Variants in SLC12A5 observed in about 807,000 individuals in gnomAD.
SLC12A5 encodes solute carrier family 12 member 5, also known as K-Cl cotransporter 2.
A neutral mutation model predicts 124.0 loss-of-function variants in SLC12A5; 18 were observed. That is an observed-to-expected ratio of 0.15 (90% CI 0.10 to 0.22). The LOEUF (loss-of-function observed/expected upper bound fraction) is 0.22. Ranked by LOEUF, SLC12A5 falls within the 10% of genes least tolerant of loss-of-function variation. The pLI, the probability that SLC12A5 is intolerant of heterozygous loss-of-function variation, is 1.00. For missense variants in SLC12A5, 867 were observed against 1,478.7 expected, an observed-to-expected ratio of 0.59 and a Z score of 6.78; for synonymous variants, 589 against 568.0, an observed-to-expected ratio of 1.04 and a Z score of -0.53.
At position 46,054,966 on chromosome 20, in the gene SLC12A5, G is replaced by A. The variant is rs1301606621; in HGVS notation, c.2730G>A (p.Glu910=). 2 of 1,614,082 alleles carry A rather than the reference G, an allele frequency of 1.2e-6. No homozygotes were observed. The highest frequency in any genetic ancestry group is 3.3e-5 in the Admixed American group (2 of 60,014). ...CCTATGAGAAGACGTTGGTGATGGA[G>A]CAGCGTTCCCAGATCCTCAAACAGA... ...AYTYEKTLVM[E]QRSQILKQMH... is the part of the protein sequence containing the mutation. The change falls in exon 21 of 26, where the codon GAG becomes GAA. Residue 910 remains glutamate (E), a synonymous_variant. Coordinates refer to ENST00000243964, the MANE Select transcript of SLC12A5 (RefSeq NM_020708.5).
At chr20:46,054,854 C>A in intron 20 of SLC12A5, 62 bp from the exon 21 acceptor site, 1 of 1,251,232 alleles carries the variant, frequency 8.0e-7, no homozygotes, top group Non-Finnish European at 1.2e-6. Context: ...TGGGCTCAGA[C>A]CTCATGCTTT....
chr20:46,030,060 C>G (rs957122718), intron 1 of SLC12A5, among the ~76,000 whole-genome samples: 1 of 152,108 alleles, frequency 6.6e-6, no homozygotes, highest in Non-Finnish European at 1.5e-5. Context: ...AAGGTCCGAC[C>G]TCAGACTGAA....
rs767118034 is a variant in SLC12A5, at chr20:46,057,323, G to T, written c.3259+20G>T. On this transcript the variant is annotated intron_variant, in intron 25 of 25. Coordinates refer to ENST00000243964, the MANE Select transcript of SLC12A5 (RefSeq NM_020708.5). The surrounding 1 kb of genome is among the most constrained non-coding windows in gnomAD (Gnocchi z 7.1). ...AAAACTGTATCCTGGAATTAAAATT[G>T]GGGGAAAGAGGGAGGTGGACGTCAG... 25 of 1,613,524 alleles carry T rather than the reference G, an allele frequency of 1.5e-5. No homozygotes were observed. Among genetic ancestry groups the T allele is most frequent in the Non-Finnish European group, 1.9e-5 (22 of 1,179,550 alleles).
At position 46,029,348 on chromosome 20, in the gene SLC12A5, C is replaced by T. The variant is rs1236484196; in HGVS notation, c.4C>T (p.Leu2=). 2 of 1,548,452 alleles carry T rather than the reference C, an allele frequency of 1.3e-6. No individual in the cohort carries two copies. The highest frequency in any genetic ancestry group is 4.9e-5 in the East Asian group (2 of 40,642). Residue 2 remains leucine (L), a synonymous_variant, in exon 1 of 26, where the codon CTA becomes TTA. Transcript: ENST00000243964. ...GACCAGGGGCCGCGCCGCCACCATG[C>T]TAAACAACCTGACGGACTGCGAGGA... M[L]NNLTDCEDGD...
rs568552546 is a variant in SLC12A5, at chr20:46,049,962, A to G, written c.2181+172A>G. On this transcript the variant is annotated intron_variant, in intron 17 of 25. Coordinates refer to ENST00000243964, the MANE Select transcript of SLC12A5 (RefSeq NM_020708.5). The stretch of plus-strand genomic sequence containing the variant: ...GAGCCTAGACAGTGAGTTCTTTAGA[A>G]TTCAACTCACAGCATGAAAGACCAT... 1.4e-3 allele frequency among the ~76,000 whole-genome samples: 206 copies of G among 152,362 alleles called. 1 individual carries two copies. The highest frequency in any genetic ancestry group is 4.9e-3 in the African/African-American group (202 of 41,586).
chr20:46,053,439 A>G lies in SLC12A5; in HGVS notation c.2548-139A>G. On this transcript the variant is annotated intron_variant, in intron 19 of 25. Transcript: ENST00000243964. The surrounding 1 kb of genome is among the most constrained non-coding windows in gnomAD (Gnocchi z 4.7). The stretch of plus-strand genomic sequence containing the variant: ...GGAAGGTTTTGTAGAGAGTGGCCCC[A>G]AAGACAGAGGATTTGGGGTCTGCAT... 2 of 1,241,182 alleles carry G rather than the reference A, an allele frequency of 1.6e-6. No homozygotes were observed. Among genetic ancestry groups the G allele is most frequent in the Non-Finnish European group, 2.3e-6 (2 of 886,326 alleles). 76.9% of individuals were successfully genotyped at this position (1,241,182 alleles called of 1,614,324 possible). A position where few individuals can be genotyped will look rare whatever the true frequency, so the allele number is the denominator to read the frequency against.
chr20:46,044,875 C>G (rs1303639376), intron 11 of SLC12A5, 91 bp from the exon 12 acceptor site: 1 of 1,426,424 alleles, frequency 7.0e-7, no homozygotes, highest in African/African-American at 1.4e-5. Flanking sequence ...CTGTGGCAGG[C>G]ACACAGTTGG....
chr20:46,055,730 A>T (rs2084684050), intron 21 of SLC12A5: 2 of 201,612 alleles, frequency 9.9e-6, no homozygotes, highest in Non-Finnish European at 2.0e-5. Context: ...TAATGTATTT[A>T]TCAGAATGTG....
At chr20:46,036,700 C>T in intron 4 of SLC12A5, 41 bp from the exon 5 acceptor site, 1 of 1,612,262 alleles carries the variant, frequency 6.2e-7, no homozygotes, top group Non-Finnish European at 8.5e-7. Flanking sequence ...CCACTGCGGC[C>T]CCTACCCCAG....
Position 46,029,290 on chromosome 20 carries a change from A to T in SLC12A5, c.-55A>T. On this transcript the variant is annotated 5_prime_UTR_variant, in exon 1 of 26. Coordinates refer to ENST00000243964, the MANE Select transcript of SLC12A5 (RefSeq NM_020708.5). Reference sequence around the variant, plus strand: ...ACGAGAGAGCGGCGAAGGCGGGTAGAGGGGCGCGGGCGAGGCGGCGCAGCC... The same window carrying T: ...ACGAGAGAGCGGCGAAGGCGGGTAGTGGGGCGCGGGCGAGGCGGCGCAGCC... The T allele has an allele frequency of 3.3e-6, 5 of 1,519,172 alleles. No homozygotes were observed. The highest frequency in any genetic ancestry group is 4.4e-6 in the Non-Finnish European group (5 of 1,133,778). The allele number at this position is 1,519,172 out of a possible 1,614,324, so 94.1% of individuals were successfully genotyped here. A position where few individuals can be genotyped will look rare whatever the true frequency, so the allele number is the denominator to read the frequency against.
intron 21 of SLC12A5, chr20:46,055,752 C>T (rs1023355263): frequency 9.2e-6 from 2 of 216,684 alleles, no homozygotes; most frequent in African/African-American, 4.6e-5. Context: ...TTGATGGATT[C>T]TCAGGGGGAT....
At chr20:46,048,512 C>A (rs1006984278) in intron 16 of SLC12A5, among the ~76,000 whole-genome samples, 3 of 152,132 alleles carry the variant, frequency 2.0e-5, no homozygotes, top group Non-Finnish European at 4.4e-5. Flanking sequence ...GAATCGTTCC[C>A]TTTGAGAGTT....
Position 46,029,363 on chromosome 20 carries a change from G to T in SLC12A5, c.19G>T (p.Asp7Tyr), listed in dbSNP as rs1422110529. ...CGCCACCATGCTAAACAACCTGACG[G>T]ACTGCGAGGACGGCGATGGGGGAGC... MLNNLT[D>Y]CEDGDGGANP... Residue 7 changes from aspartate to tyrosine, a missense_variant, in exon 1 of 26, where the codon GAC becomes TAC. Physicochemically the swap from Asp to Tyr is radical, Grantham distance 160. Around this residue, in one of 9 missense-constraint regions of SLC12A5, gnomAD observed 58 missense variants for 52.2 expected, o/e 1.11. Transcript: ENST00000243964. The T allele has an allele frequency of 1.9e-6, 3 of 1,549,502 alleles. No individual in the cohort carries two copies. Among genetic ancestry groups the T allele is most frequent in the Non-Finnish European group, 2.6e-6 (3 of 1,146,518 alleles).
In SLC12A5 at chr20:46,052,990, C is replaced by T. The variant is rs1349602272; in HGVS notation, c.2411C>T (p.Ala804Val). 1.2e-6 allele frequency: 2 copies of T among 1,613,814 alleles called. No individual in the cohort carries two copies. Among genetic ancestry groups the T allele is most frequent in the Non-Finnish European group, 1.7e-6 (2 of 1,179,868 alleles). ...CGGGAAACCACAGCTGGCCACTTAGCCCTGCTGGTCACCAAGAACGTTTCC... is the reference window on the plus strand; with the variant it reads ...CGGGAAACCACAGCTGGCCACTTAGTCCTGCTGGTCACCAAGAACGTTTCC... ...LVRETTAGHL[A>V]LLVTKNVSMF... The change falls in exon 19 of 26, where the codon GCC (alanine) becomes GTC (valine). Residue 804 changes from alanine to valine, a missense_variant. Ala to Val is a moderately conservative substitution (Grantham distance 64). Transcript: ENST00000243964.
chr20:46,036,307 T>TA (rs1463933236), intron 4 of SLC12A5: 1 of 241,784 alleles, frequency 4.1e-6, no homozygotes, highest in South Asian at 1.1e-4. Flanking sequence ...CCATTCTCTC[T>TA]AAAAAAATCA....
chr20:46,055,119 C>A, intron 21 of SLC12A5, 96 bp downstream of exon 21: 1 of 811,478 alleles, frequency 1.2e-6, no homozygotes, highest in South Asian at 1.5e-5. Flanking sequence ...CCTGGCATTT[C>A]AACTTCACCC....
In SLC12A5 at chr20:46,046,240, C is replaced by T. The variant is rs2084594425; in HGVS notation, c.1689-98C>T. ...ACAGCATGATCTGGCCACCTCCTGACTTCCTGTCCCCTTTCCCCCTTTCTC... is the reference window on the plus strand; with the variant it reads ...ACAGCATGATCTGGCCACCTCCTGATTTCCTGTCCCCTTTCCCCCTTTCTC... On this transcript the variant is annotated intron_variant, in intron 13 of 25. Coordinates refer to ENST00000243964, the MANE Select transcript of SLC12A5 (RefSeq NM_020708.5). 6 of 1,156,872 alleles carry T rather than the reference C, an allele frequency of 5.2e-6. No homozygotes were observed. In the Admixed American group the frequency reaches 9.3e-5, roughly 18 times the overall value. 71.7% of individuals were successfully genotyped at this position (1,156,872 alleles called of 1,614,324 possible).
downstream of SLC12A5, chr20:46,023,664 A>G: frequency 2.6e-6 from 1 of 389,950 alleles, no homozygotes; most frequent in East Asian, 3.6e-5. Context: ...GAAAACTCCT[A>G]TTCGTTCTGT....
Position 46,029,262 on chromosome 20 carries a change from C to A in SLC12A5, c.-83C>A. ...AGCGGAGAGCGAGACAGAGCTACAG[C>A]GAACGAGAGAGCGGCGAAGGCGGGT... On this transcript the variant is annotated 5_prime_UTR_variant, in exon 1 of 26. Transcript: ENST00000243964. 1 of 1,495,270 alleles carries A rather than the reference C, an allele frequency of 6.7e-7. No homozygotes were observed. The highest frequency in any genetic ancestry group is 8.9e-7 in the Non-Finnish European group (1 of 1,122,912). The allele number at this position is 1,495,270 out of a possible 1,614,324, so 92.6% of individuals were successfully genotyped here. A position where few individuals can be genotyped will look rare whatever the true frequency, so the allele number is the denominator to read the frequency against.
Sources: allele counts gnomAD v4.1 joint callset (sites outside exome capture counted in the v4.1 genomes callset), GRCh38; gene constraint gnomAD v4.1.1; regional missense constraint gnomAD v4.1.1; non-coding constraint Gnocchi (gnomAD v3.1); transcripts MANE v1.5; gene names NCBI Gene and HGNC (gene_info 2026-07-23, HGNC 2026-07-21).